ANKRD6: variants seen among roughly 807,000 people sequenced by gnomAD.
The protein encoded by ANKRD6 is ankyrin repeat domain-containing protein 6.
In ANKRD6, 56 loss-of-function variants were observed where a neutral mutation model predicts 82.3. The observed-to-expected ratio is 0.68, with a 90% confidence interval of 0.55 to 0.85. The LOEUF is 0.85. ANKRD6 is among the 40% of genes least tolerant of loss of function. The pLI, the probability that ANKRD6 is intolerant of heterozygous loss-of-function variation, is 0.00. For synonymous variants in ANKRD6, 347 were observed against 352.1 expected (o/e 0.99, Z 0.16); for missense variants, 852 against 907.6 (o/e 0.94, Z 0.79).
intron 3 of ANKRD6, chr6:89,598,420 A>G (rs1355950905): frequency 2.0e-6 from 2 of 985,254 alleles, no homozygotes; most frequent in Admixed American, 1.2e-4. Context: ...AAGATCAGAG[A>G]GAGAAAAAGA....
intron 4 of ANKRD6, among the ~76,000 whole-genome samples, chr6:89,603,519 A>G (rs1444880101): frequency 4.6e-5 from 7 of 152,068 alleles, no homozygotes; most frequent in African/African-American, 4.8e-5. Context: ...TCCTTGTTCT[A>G]TGGCACCAGT....
intron 3 of ANKRD6, chr6:89,598,178 A>G: frequency 1.0e-6 from 1 of 985,400 alleles, no homozygotes; most frequent in South Asian, 4.7e-5. Flanking sequence ...TATGAATTTC[A>G]ACCTGTGGAA....
intron 1 of ANKRD6, among the ~76,000 whole-genome samples, chr6:89,461,745 C>T (rs749377639): frequency 9.2e-5 from 14 of 152,114 alleles, no homozygotes; most frequent in Non-Finnish European, 1.9e-4. Context: ...AATGAATCAA[C>T]ATTCAACCCA....
At chr6:89,553,462 G>T (rs1276081162) in intron 1 of ANKRD6, among the ~76,000 whole-genome samples, 1 of 152,192 alleles carries the variant, frequency 6.6e-6, no homozygotes, top group Non-Finnish European at 1.5e-5. Context: ...CACAGTTGGT[G>T]TTTACTTCTG....
Position 89,624,566 on chromosome 6 carries a change from C to T in ANKRD6, c.1246C>T (p.Pro416Ser). The part of the protein sequence containing the change: ...QAPINGCRCE[P>S]LINKLENQLE... ...ACCAATAAATGGTTGTCGATGTGAA[C>T]CTCTAATCAACAAGCTGGAGAATCA... Residue 416 changes from proline to serine, a missense_variant, in exon 13 of 16, where the codon CCT becomes TCT. Transcript: ENST00000339746. The T allele has an allele frequency of 6.4e-7, 1 of 1,553,942 alleles. No individual in the cohort carries two copies. The highest frequency in any genetic ancestry group is 1.2e-5 in the South Asian group (1 of 84,134).
At chr6:89,511,998 C>G (rs1052845867) in intron 1 of ANKRD6, among the ~76,000 whole-genome samples, 2 of 151,824 alleles carry the variant, frequency 1.3e-5, no homozygotes, top group Non-Finnish European at 2.9e-5. Context: ...AGGCTGGTCT[C>G]GAACTCCTGG....
At chr6:89,562,456 C>T (rs939354490) in intron 1 of ANKRD6, 10 of 152,216 alleles carry the variant, frequency 6.6e-5, no homozygotes, top group Admixed American at 3.3e-4. Flanking sequence ...CCTTACAACA[C>T]GCACACTCAT....
chr6:89,546,113 A>G (rs574599593), intron 1 of ANKRD6, among the ~76,000 whole-genome samples: 2 of 152,224 alleles, frequency 1.3e-5, no homozygotes, highest in South Asian at 4.1e-4. Flanking sequence ...GCCTTACTTT[A>G]ATTTTTATAA....
chr6:89,575,015 A>T (rs576973923), intron 2 of ANKRD6, among the ~76,000 whole-genome samples: 1 of 152,232 alleles, frequency 6.6e-6, no homozygotes, highest in South Asian at 2.1e-4. Flanking sequence ...TAGAAATATG[A>T]TTGGACAGAA....
At chr6:89,453,492 G>T (rs991398042) in intron 1 of ANKRD6, among the ~76,000 whole-genome samples, 2 of 151,902 alleles carry the variant, frequency 1.3e-5, no homozygotes, top group Non-Finnish European at 2.9e-5. Context: ...TCTTTTCTTT[G>T]CCTTGATGAA....
chr6:89,499,702 C>T (rs1240515629), intron 1 of ANKRD6, among the ~76,000 whole-genome samples: 4 of 152,162 alleles, frequency 2.6e-5, no homozygotes, highest in Non-Finnish European at 5.9e-5. Context: ...AGTCTGCTTC[C>T]GTGATTTAGT....
At chr6:89,517,903 C>G (rs1781418042) in intron 1 of ANKRD6, among the ~76,000 whole-genome samples, 1 of 152,184 alleles carries the variant, frequency 6.6e-6, no homozygotes, top group South Asian at 2.1e-4. Flanking sequence ...AGTTGCTTGA[C>G]TTTTTTGGAT....
At chr6:89,467,568 C>T (rs1343584650) in intron 1 of ANKRD6, among the ~76,000 whole-genome samples, 2 of 152,144 alleles carry the variant, frequency 1.3e-5, no homozygotes, top group African/African-American at 2.4e-5. Flanking sequence ...CAGTAGCTCC[C>T]CATGTAGATC....
chr6:89,455,414 T>C (rs1773385837), intron 1 of ANKRD6, among the ~76,000 whole-genome samples: 1 of 151,956 alleles, frequency 6.6e-6, no homozygotes, highest in East Asian at 1.9e-4. Flanking sequence ...GGAGGTGCCA[T>C]ATACTTTTAA....
rs539416240 is a variant in ANKRD6 at position 89,508,378 on chromosome 6, G to GT, written c.-143-58455dup. On this transcript the variant is annotated intron_variant, in intron 1 of 15. Coordinates refer to ENST00000339746, the MANE Select transcript of ANKRD6 (RefSeq NM_001242809.2). ...GGTCAGGTACAAATGGGTGTTGACA[G>GT]TAAGTGACCTAGAAGTGATGAGAGT... Among the ~76,000 whole-genome samples, 159 of 152,362 alleles carry GT rather than the reference G, an allele frequency of 1.0e-3. 1 individual carries two copies. Among genetic ancestry groups the GT allele is most frequent in the African/African-American group, 3.6e-3 (151 of 41,580 alleles).
intron 1 of ANKRD6, among the ~76,000 whole-genome samples, chr6:89,465,359 G>A (rs1292316111): frequency 6.6e-6 from 1 of 151,824 alleles, no homozygotes; most frequent in African/African-American, 2.4e-5. Flanking sequence ...GACCTCAAGT[G>A]ATCCGCCCAC....
At chr6:89,526,793 G>A (rs368980626) in intron 1 of ANKRD6, among the ~76,000 whole-genome samples, 1 of 152,176 alleles carries the variant, frequency 6.6e-6, no homozygotes, top group Admixed American at 6.5e-5. Flanking sequence ...AGCCTATGGC[G>A]TAGGCTCCAA....
chr6:89,567,202 C>A (rs1036435321), intron 2 of ANKRD6, 106 bp downstream of exon 2: 5 of 1,435,386 alleles, frequency 3.5e-6, no homozygotes, highest in Non-Finnish European at 2.8e-6. Context: ...AAAGAACTGG[C>A]TTTTCTTCCA....
intron 1 of ANKRD6, among the ~76,000 whole-genome samples, chr6:89,528,883 A>G (rs1039944566): frequency 2.0e-5 from 3 of 152,208 alleles, no homozygotes; most frequent in Admixed American, 2.0e-4. Context: ...TTGGAAGGGA[A>G]TCTTGTTATC....
Sources: allele counts gnomAD v4.1 joint callset (sites outside exome capture counted in the v4.1 genomes callset), GRCh38; gene constraint gnomAD v4.1.1; transcripts MANE v1.5; gene names NCBI Gene and HGNC (gene_info 2026-07-23, HGNC 2026-07-21).